ABCA1: variants seen among roughly 807,000 people sequenced by gnomAD.
The protein encoded by ABCA1 is ATP binding cassette subfamily A member 1, also known as phospholipid-transporting ATPase ABCA1.
In ABCA1, 133 loss-of-function variants were observed where a neutral mutation model predicts 262.5. The ratio of observed to expected loss-of-function variants is 0.51; its 90% CI spans 0.44 to 0.59. The LOEUF (loss-of-function observed/expected upper bound fraction) is 0.59, where lower values mean the gene tolerates loss of function less well. ABCA1 is among the 20% of genes least tolerant of loss of function. ABCA1 has a pLI of 0.00. For missense variants in ABCA1, 2,452 were observed against 2,777.5 expected, an observed-to-expected ratio of 0.88 and a Z score of 2.63; for synonymous variants, 1,022 against 1,043.5, an observed-to-expected ratio of 0.98 and a Z score of 0.40.
Position 104,802,097 on chromosome 9 carries a change from T to C in ABCA1, c.4655A>G (p.Asn1552Ser). ...TQALPPSQEV[N>S]DAIKQMKKHL... ...TTTCTTCATTTGTTTGATGGCATCA[T>C]TAACTTCTTGACTCGGAGGAAGTGC... The change falls in exon 34 of 50, where the codon AAT becomes AGT. Residue 1552 changes from asparagine to serine, a missense_variant. Physicochemically the swap from Asn to Ser is conservative, Grantham distance 46 (BLOSUM62 1). Around this residue, in one of 4 missense-constraint regions of ABCA1, gnomAD observed 752 missense variants for 944.5 expected, o/e 0.80. Coordinates refer to ENST00000374736, the MANE Select transcript of ABCA1 (RefSeq NM_005502.4). 1 of 1,614,208 alleles carries C rather than the reference T, an allele frequency of 6.2e-7. No homozygotes were observed. Among genetic ancestry groups the C allele is most frequent in the Non-Finnish European group, 8.5e-7 (1 of 1,180,040 alleles).
At chr9:104,811,413 T>A (rs1480408061) in intron 28 of ABCA1, among the ~76,000 whole-genome samples, 2 of 152,204 alleles carry the variant, frequency 1.3e-5, no homozygotes, top group African/African-American at 4.8e-5. Flanking sequence ...ACATGGCCCA[T>A]TCAAATCCTA....
At chr9:104,857,052 C>T (rs769177394) in intron 7 of ABCA1, among the ~76,000 whole-genome samples, 3 of 152,106 alleles carry the variant, frequency 2.0e-5, no homozygotes, top group Non-Finnish European at 4.4e-5. Context: ...TGCCTTTAAT[C>T]CCAACACTTT....
chr9:104,838,252 G>A (rs1373105581), intron 9 of ABCA1, among the ~76,000 whole-genome samples: 3 of 149,478 alleles, frequency 2.0e-5, no homozygotes, highest in African/African-American at 2.5e-5. Flanking sequence ...GCAGTGAGCC[G>A]AGATTGTGTC....
At chr9:104,861,823 T>C in intron 5 of ABCA1, 23 bp from the exon 6 acceptor site, 1 of 1,604,636 alleles carries the variant, frequency 6.2e-7, no homozygotes. Flanking sequence ...AGTGTTTTAT[T>C]TTTATTTAGT....
Position 104,792,914 on chromosome 9 carries a change from G to GA in ABCA1, c.5637-9dup, listed in dbSNP as rs770519552. 10 of 1,613,634 alleles carry GA rather than the reference G, an allele frequency of 6.2e-6. No homozygotes were observed. Among genetic ancestry groups the GA allele is most frequent in the East Asian group, 4.5e-5 (2 of 44,868 alleles). On this transcript the variant is annotated splice_polypyrimidine_tract_variant and intron_variant, in intron 41 of 49. Transcript: ENST00000374736. The stretch of plus-strand genomic sequence containing the variant: ...AGCTTTGCATTTACAGGTCTTGGGG[G>GA]AAAAAACAAGAAAAATGAACCTTTC...
intron 2 of ABCA1, among the ~76,000 whole-genome samples, chr9:104,898,191 T>A (rs1183089542): frequency 6.6e-6 from 1 of 152,178 alleles, no homozygotes; most frequent in Admixed American, 6.5e-5. Context: ...TCAAGTTCCC[T>A]CTATCCCAAG....
intron 32 of ABCA1, among the ~76,000 whole-genome samples, chr9:104,803,754 C>T (rs1006734719): frequency 5.9e-5 from 9 of 152,094 alleles, no homozygotes; most frequent in South Asian, 2.1e-4. Context: ...ATTACAGGCA[C>T]GCACCACCAC....
At chr9:104,877,848 C>G (rs892790954) in intron 5 of ABCA1, among the ~76,000 whole-genome samples, 1 of 152,210 alleles carries the variant, frequency 6.6e-6, no homozygotes, top group African/African-American at 2.4e-5. Flanking sequence ...CACTCTTATA[C>G]CAATGTTTTC....
chr9:104,876,807 G>C (rs540901950), intron 5 of ABCA1, among the ~76,000 whole-genome samples: 8 of 152,308 alleles, frequency 5.3e-5, no homozygotes, highest in African/African-American at 1.7e-4. Flanking sequence ...GGAGTGGGGA[G>C]TGAGGATGAC....
chr9:104,807,766 T>C (rs1378821572), intron 30 of ABCA1, among the ~76,000 whole-genome samples: 4 of 151,158 alleles, frequency 2.6e-5, no homozygotes, highest in South Asian at 2.1e-4. Flanking sequence ...TGAGCCAAGA[T>C]TGAGCCACTG....
At chr9:104,790,655 TA>T (rs1312959537) in intron 44 of ABCA1, among the ~76,000 whole-genome samples, 6 of 152,162 alleles carry the variant, frequency 3.9e-5, no homozygotes, top group African/African-American at 4.8e-5. Context: ...ATTATACTCT[TA>T]AAAAACAAGC....
intron 5 of ABCA1, among the ~76,000 whole-genome samples, chr9:104,864,831 G>C (rs561418227): frequency 4.5e-4 from 68 of 152,236 alleles, no homozygotes; most frequent in African/African-American, 1.6e-3. Context: ...AGTGTGCTCA[G>C]CATGTTTATA....
intron 1 of ABCA1, among the ~76,000 whole-genome samples, chr9:104,906,080 G>A (rs1014127772): frequency 1.3e-5 from 2 of 152,188 alleles, no homozygotes; most frequent in African/African-American, 4.8e-5. Context: ...CCAAAGCAAT[G>A]TGAGTTCCCT....
intron 37 of ABCA1, among the ~76,000 whole-genome samples, chr9:104,798,184 G>A (rs1305161739): frequency 6.6e-6 from 1 of 152,180 alleles, no homozygotes; most frequent in Non-Finnish European, 1.5e-5. Context: ...AAGTGGTAGT[G>A]GTATTAATTT....
intron 1 of ABCA1, among the ~76,000 whole-genome samples, chr9:104,922,692 C>G (rs1194161524): frequency 4.6e-5 from 7 of 152,178 alleles, no homozygotes; most frequent in Non-Finnish European, 2.9e-5. Context: ...GGCACTTTCT[C>G]ATCCTATTTC....
chr9:104,788,541 T>G lies in ABCA1; in HGVS notation c.5954A>C (p.His1985Pro), dbSNP rs777160137. The change falls in exon 45 of 50, where the codon CAT becomes CCT. Residue 1985 changes from histidine to proline, a missense_variant. This residue lies in a region of ABCA1 where 752 missense variants were observed against 944.5 expected (regional missense o/e 0.80). Coordinates refer to ENST00000374736, the MANE Select transcript of ABCA1 (RefSeq NM_005502.4). ...NSILSNIHEVHQNMGYCPQFD... is the reference protein window; with the variant it reads ...NSILSNIHEVPQNMGYCPQFD... Reference sequence around the variant, plus strand: ...CTGAGGGCAGTAGCCCATGTTCTGATGTACTTCATGGATGTTTGATAAGAT... The same window carrying G: ...CTGAGGGCAGTAGCCCATGTTCTGAGGTACTTCATGGATGTTTGATAAGAT... The G allele has an allele frequency of 1.9e-6, 3 of 1,614,184 alleles. No individual in the cohort carries two copies. The highest frequency in any genetic ancestry group is 2.2e-5 in the South Asian group (2 of 91,086).
intron 25 of ABCA1, among the ~76,000 whole-genome samples, chr9:104,814,855 C>T (rs970803761): frequency 2.0e-5 from 3 of 152,202 alleles, no homozygotes; most frequent in South Asian, 2.1e-4. Context: ...ATTAGCTGGG[C>T]GTGGTAGCAC....
chr9:104,809,631 T>C, intron 29 of ABCA1, 67 bp from the exon 30 acceptor site: 2 of 1,375,938 alleles, frequency 1.5e-6, no homozygotes, highest in Admixed American at 1.8e-5. Context: ...GATAAAAATG[T>C]TTTTATAAAT....
intron 7 of ABCA1, among the ~76,000 whole-genome samples, chr9:104,856,463 A>G (rs752522414): frequency 2.6e-5 from 4 of 152,144 alleles, no homozygotes; most frequent in African/African-American, 9.7e-5. Flanking sequence ...CACAACCACA[A>G]CACAGCAGGA....
Sources: allele counts gnomAD v4.1 joint callset (sites outside exome capture counted in the v4.1 genomes callset), GRCh38; gene constraint gnomAD v4.1.1; regional missense constraint gnomAD v4.1.1; transcripts MANE v1.5; gene names NCBI Gene and HGNC (gene_info 2026-07-23, HGNC 2026-07-21).